Variants in RGS7 observed in about 807,000 individuals in gnomAD.
The protein encoded by RGS7 is regulator of G-protein signaling 7.
RGS7 carries 27 observed loss-of-function variants against 81.1 expected under a neutral mutation model. The observed-to-expected ratio is 0.33, with a 90% confidence interval of 0.25 to 0.46. The LOEUF is 0.46. Ranked by LOEUF, RGS7 falls within the 20% of genes least tolerant of loss-of-function variation. The pLI, the probability that RGS7 is intolerant of heterozygous loss-of-function variation, is 1.00. For synonymous variants in RGS7, 208 were observed against 207.7 expected, an observed-to-expected ratio of 1.00 and a Z score of -0.01; for missense variants, 396 against 607.4, an observed-to-expected ratio of 0.65 and a Z score of 3.66.
chr1:241,169,147 TATAC>T (rs2070511227), intron 2 of RGS7, among the ~76,000 whole-genome samples: 1 of 152,256 alleles, frequency 6.6e-6, no homozygotes, highest in South Asian at 2.1e-4. Context: ...AATAGGATAC[TATAC>T]ATACATACAT....
chr1:240,900,733 C>T lies in RGS7; in HGVS notation c.385+29984G>A, dbSNP rs572328597. Reference sequence around the variant, plus strand: ...GGATGTGCCTCCCAGTTAGGCTACTCGGGGGTCAGGGACCCACTTGAGGAG... The same window carrying T: ...GGATGTGCCTCCCAGTTAGGCTACTTGGGGGTCAGGGACCCACTTGAGGAG... On this transcript the variant is annotated intron_variant, in intron 6 of 18. Coordinates refer to ENST00000440928, the MANE Select transcript of RGS7 (RefSeq NM_001364886.1). 8.0e-4 allele frequency among the ~76,000 whole-genome samples: 122 copies of T among 152,298 alleles called. 2 individuals carry two copies. The South Asian group carries it at 0.024, about 30-fold the overall frequency.
intron 9 of RGS7, among the ~76,000 whole-genome samples, chr1:240,837,020 C>G (rs540701603): frequency 7.2e-5 from 11 of 152,316 alleles, no homozygotes; most frequent in African/African-American, 2.4e-4. Flanking sequence ...TTGCAGGTAC[C>G]ATTCTCAAAG....
rs540241918 is a variant in RGS7, at chr1:241,206,869, T to A, written c.79-108107A>T. 3.0e-4 allele frequency among the ~76,000 whole-genome samples: 46 copies of A among 151,804 alleles called. 2 individuals carry two copies. In the South Asian group the frequency reaches 9.6e-3, roughly 32 times the overall value. ...ACATTACATGGCTCACCTTTAATTC[T>A]CTCCATAGCACTTAGTGCTGTCTCA... On this transcript the variant is annotated intron_variant, in intron 2 of 18. Transcript: ENST00000440928.
intron 11 of RGS7, among the ~76,000 whole-genome samples, chr1:240,815,871 T>C (rs1402969929): frequency 2.0e-5 from 3 of 152,138 alleles, no homozygotes; most frequent in Admixed American, 1.3e-4. Flanking sequence ...CTTCAAGAGG[T>C]AGAGAGAAAT....
chr1:241,099,171 A>T (rs1275240797), intron 2 of RGS7, among the ~76,000 whole-genome samples: 1 of 152,208 alleles, frequency 6.6e-6, no homozygotes, highest in Non-Finnish European at 1.5e-5. Flanking sequence ...ATCTGCTTGA[A>T]TTGCTTCTTC....
At chr1:241,338,419 A>G (rs980429178) in intron 2 of RGS7, among the ~76,000 whole-genome samples, 1 of 152,148 alleles carries the variant, frequency 6.6e-6, no homozygotes, top group Non-Finnish European at 1.5e-5. Flanking sequence ...TAAACTTCCA[A>G]GCAAGCAAAG....
intron 2 of RGS7, among the ~76,000 whole-genome samples, chr1:241,112,611 G>A (rs1384186686): frequency 6.6e-6 from 1 of 152,174 alleles, no homozygotes; most frequent in Non-Finnish European, 1.5e-5. Context: ...AAGTTTTAAA[G>A]TGGTTTCTGC....
intron 2 of RGS7, among the ~76,000 whole-genome samples, chr1:241,246,126 G>A (rs188763350): frequency 1.8e-4 from 27 of 151,882 alleles, no homozygotes; most frequent in Admixed American, 3.3e-4. Flanking sequence ...ATAAAAAACC[G>A]AAACGTGTGT....
intron 6 of RGS7, among the ~76,000 whole-genome samples, chr1:240,906,369 C>T (rs1670823103): frequency 1.3e-5 from 2 of 152,126 alleles, no homozygotes; most frequent in Admixed American, 6.6e-5. Context: ...GACTCCATTC[C>T]CAGACGTCCC....
chr1:241,311,529 G>A (rs894149469), intron 2 of RGS7, among the ~76,000 whole-genome samples: 14 of 152,232 alleles, frequency 9.2e-5, no homozygotes, highest in Admixed American at 8.5e-4. Flanking sequence ...AAAGAGGATT[G>A]TCTGAAGCTG....
intron 18 of RGS7, among the ~76,000 whole-genome samples, chr1:240,796,868 G>A (rs74151835): frequency 0.037 from 5,672 of 152,232 alleles, 111 homozygotes; most frequent in East Asian, 0.11. Flanking sequence ...GAGAGAACGG[G>A]ATAGCCAAGG....
At chr1:241,098,182 C>T (rs988145902) in intron 3 of RGS7, among the ~76,000 whole-genome samples, 4 of 152,164 alleles carry the variant, frequency 2.6e-5, no homozygotes, top group Non-Finnish European at 4.4e-5. Context: ...CATAACCTGA[C>T]CCAAGTTCTC....
At chr1:241,146,590 A>C (rs115486509) in intron 2 of RGS7, among the ~76,000 whole-genome samples, 2,713 of 152,368 alleles carry the variant, frequency 0.018, 100 homozygotes, top group African/African-American at 0.062. Flanking sequence ...CTGACTATAA[A>C]GGATTTAGGG....
intron 3 of RGS7, among the ~76,000 whole-genome samples, chr1:241,030,243 C>G (rs1016098014): frequency 6.6e-6 from 1 of 151,638 alleles, no homozygotes; most frequent in African/African-American, 2.4e-5. Context: ...TTTACATCAG[C>G]CGTGGGCTGT....
chr1:241,098,577 G>T, intron 3 of RGS7, 89 bp downstream of exon 3: 1 of 851,970 alleles, frequency 1.2e-6, no homozygotes, highest in South Asian at 1.4e-5. Context: ...ATTAGAGACA[G>T]AGTTTCAATA....
At chr1:240,889,659 G>GA (rs2148136147) in intron 6 of RGS7, among the ~76,000 whole-genome samples, 1 of 152,254 alleles carries the variant, frequency 6.6e-6, no homozygotes, top group South Asian at 2.1e-4. Flanking sequence ...GATACAATAG[G>GA]AAAACAACAC....
intron 9 of RGS7, among the ~76,000 whole-genome samples, chr1:240,832,380 G>A (rs1172212263): frequency 5.9e-5 from 9 of 152,102 alleles, no homozygotes; most frequent in Admixed American, 5.9e-4. Flanking sequence ...ACTAAGCTGG[G>A]TTGCAACATT....
At chr1:241,052,255 G>T (rs1359326179) in intron 3 of RGS7, among the ~76,000 whole-genome samples, 2 of 152,144 alleles carry the variant, frequency 1.3e-5, no homozygotes, top group Admixed American at 1.3e-4. Context: ...AAGTGCTATG[G>T]TAGAAGGCAT....
chr1:240,908,332 G>T, intron 6 of RGS7, among the ~76,000 whole-genome samples: 1 of 151,792 alleles, frequency 6.6e-6, no homozygotes, highest in East Asian at 1.9e-4. Context: ...AAGTACCTTA[G>T]AACTTAAAGC....
Sources: gnomAD v4.1 joint callset for allele counts (sites outside exome capture counted in the v4.1 genomes callset) on GRCh38, gnomAD v4.1.1 for gene constraint, MANE v1.5 for transcripts, NCBI Gene and HGNC (gene_info 2026-07-23, HGNC 2026-07-21) for gene names.